Variants in GPHN observed in about 807,000 individuals in gnomAD.
The protein encoded by GPHN is gephyrin.
In GPHN, 17 loss-of-function variants were observed where a neutral mutation model predicts 95.5. The observed-to-expected ratio is 0.18, with a 90% CI of 0.12 to 0.27. The LOEUF (loss-of-function observed/expected upper bound fraction) is 0.27, where lower values mean the gene tolerates loss of function less well. Among genes scored for constraint, GPHN ranks in the 10% least tolerant of loss-of-function variants. The pLI, the probability that GPHN is intolerant of heterozygous loss-of-function variation, is 1.00. For synonymous variants in GPHN, 320 were observed against 322.5 expected (o/e 0.99, Z 0.08); for missense variants, 660 against 978.1 (o/e 0.67, Z 4.34).
chr14:66,532,633 C>A (rs1235947997), intron 1 of GPHN, among the ~76,000 whole-genome samples: 1 of 152,134 alleles, frequency 6.6e-6, no homozygotes, highest in Non-Finnish European at 1.5e-5. Context: ...TCAAATTGAA[C>A]TAGCTTTAGT....
At chr14:66,551,364 T>C (rs927699923) in intron 1 of GPHN, among the ~76,000 whole-genome samples, 1 of 152,240 alleles carries the variant, frequency 6.6e-6, no homozygotes, top group Non-Finnish European at 1.5e-5. Context: ...ACTCATTCTC[T>C]ACAGAATTTT....
At chr14:66,919,627 G>A (rs2066099896) in intron 6 of GPHN, among the ~76,000 whole-genome samples, 1 of 152,088 alleles carries the variant, frequency 6.6e-6, no homozygotes, top group African/African-American at 2.4e-5. Flanking sequence ...ACAATCTTGT[G>A]GCCACTTTGA....
At chr14:67,631,609 A>G in the GPHN span, among the ~76,000 whole-genome samples, 3 of 151,362 alleles carry the variant, frequency 2.0e-5, no homozygotes, top group African/African-American at 2.4e-5. Context: ...TAACTTATTT[A>G]TTTTTAGATA....
the GPHN span, chr14:67,573,181 C>A: frequency 2.7e-6 from 2 of 736,434 alleles, no homozygotes; most frequent in East Asian, 2.5e-5. The surrounding 1 kb of genome is among the most constrained non-coding windows in gnomAD (Gnocchi z 4.8). Context: ...AATTGATGAC[C>A]GAGTAGTGAG....
intron 1 of GPHN, among the ~76,000 whole-genome samples, chr14:66,513,151 T>C (rs975152071): frequency 1.3e-4 from 19 of 151,792 alleles, no homozygotes; most frequent in Admixed American, 3.3e-4. Context: ...TGAATATACT[T>C]AGTACTATTA....
chr14:67,263,098 C>T, the GPHN span, among the ~76,000 whole-genome samples: 24,219 of 151,968 alleles, frequency 0.16, 3,712 homozygotes, highest in East Asian at 0.48. Flanking sequence ...CTGCCATGAG[C>T]GTGTGGTCTT....
At chr14:67,528,773 C>T in the GPHN span, among the ~76,000 whole-genome samples, 5 of 152,208 alleles carry the variant, frequency 3.3e-5, no homozygotes, top group African/African-American at 9.6e-5. Flanking sequence ...ACATCAGTTC[C>T]GCCCTGGCAG....
Position 66,924,224 on chromosome 14 carries a change from G to A in GPHN, c.760G>A (p.Val254Ile). 2 of 1,610,182 alleles carry A rather than the reference G, an allele frequency of 1.2e-6. No individual in the cohort carries two copies. The highest frequency in any genetic ancestry group is 1.7e-6 in the Non-Finnish European group (2 of 1,176,462). Residue 254 changes from valine (V) to isoleucine (I), a missense_variant, in exon 8 of 23, where the codon GTC (valine) becomes ATC (isoleucine). Physicochemically the swap from Val to Ile is conservative, Grantham distance 29. Transcript: ENST00000478722. ...TCCATTCTACACCAGTCCTGCTGTT[G>A]TCATGGCACACGGTGAACAGCCCAT... The part of the protein sequence containing the change: ...KHPFYTSPAV[V>I]MAHGEQPIPG...
At chr14:67,558,649 G>C in the GPHN span, among the ~76,000 whole-genome samples, 3 of 152,200 alleles carry the variant, frequency 2.0e-5, no homozygotes, top group African/African-American at 7.2e-5. Flanking sequence ...AAAAGGCACT[G>C]TTTTGTGAGT....
chr14:67,313,474 A>G, the GPHN span, among the ~76,000 whole-genome samples: 1 of 152,190 alleles, frequency 6.6e-6, no homozygotes, highest in Non-Finnish European at 1.5e-5. Context: ...AAATGTTGTT[A>G]TGCAGTGCAT....
At chr14:66,809,358 A>AAATAATAATAATAATAATAATAAT (rs540241852) in intron 3 of GPHN, among the ~76,000 whole-genome samples, 1 of 151,680 alleles carries the variant, frequency 6.6e-6, no homozygotes, top group African/African-American at 2.4e-5. Context: ...GAGTTTTCCT[A>AAATAATAATAATAATAATAATAAT]AATAATAATA....
At chr14:66,541,516 G>A (rs192982406) in intron 1 of GPHN, among the ~76,000 whole-genome samples, 1 of 152,278 alleles carries the variant, frequency 6.6e-6, no homozygotes, top group African/African-American at 2.4e-5. Flanking sequence ...AGAAGGTTAA[G>A]TTTATATAGT....
the GPHN span, among the ~76,000 whole-genome samples, chr14:67,409,213 A>G: frequency 6.6e-6 from 1 of 152,072 alleles, no homozygotes; most frequent in Non-Finnish European, 1.5e-5. Context: ...ACTGTACTCC[A>G]GCCTGGGCAA....
At chr14:66,741,528 C>G (rs1050840970) in intron 2 of GPHN, among the ~76,000 whole-genome samples, 2 of 152,058 alleles carry the variant, frequency 1.3e-5, no homozygotes, top group African/African-American at 4.8e-5. Context: ...GAGAGTAATA[C>G]CAGAGACAAA....
the GPHN span, among the ~76,000 whole-genome samples, chr14:67,607,744 T>C: frequency 6.6e-6 from 1 of 152,192 alleles, no homozygotes; most frequent in African/African-American, 2.4e-5. Context: ...AGGATATCTT[T>C]CCCTCTGCCA....
chr14:67,055,368 C>T (rs1397564594), intron 10 of GPHN, among the ~76,000 whole-genome samples: 1 of 152,086 alleles, frequency 6.6e-6, no homozygotes, highest in Non-Finnish European at 1.5e-5. Flanking sequence ...CAATGAGATA[C>T]CATCTCAGGC....
chr14:67,549,079 C>G, the GPHN span, among the ~76,000 whole-genome samples: 1 of 152,096 alleles, frequency 6.6e-6, no homozygotes, highest in Non-Finnish European at 1.5e-5. Context: ...TACTTTGTGA[C>G]AAGGCCAGGT....
At chr14:66,532,555 A>G (rs13379248) in intron 1 of GPHN, among the ~76,000 whole-genome samples, 47,314 of 152,086 alleles carry the variant, frequency 0.31, 11,195 homozygotes, top group African/African-American at 0.64. Context: ...GCTAGGAAGC[A>G]TGGTTAATTG....
intron 2 of GPHN, among the ~76,000 whole-genome samples, chr14:66,766,355 C>T (rs1300174974): frequency 6.6e-6 from 1 of 152,048 alleles, no homozygotes. Context: ...CCTTGGTAAA[C>T]TTAGTTGGAA....
Sources: gnomAD v4.1 joint callset for allele counts (sites outside exome capture counted in the v4.1 genomes callset) on GRCh38, gnomAD v4.1.1 for gene constraint, Gnocchi (gnomAD v3.1) non-coding constraint, MANE v1.5 for transcripts, NCBI Gene and HGNC (gene_info 2026-07-23, HGNC 2026-07-21) for gene names.